The following RBFOX1 variants were observed in gnomAD, a reference collection of about 807,000 sequenced individuals.
RBFOX1 encodes RNA binding fox-1 homolog 1, also known as RNA binding protein fox-1 homolog 1.
RBFOX1 carries 8 observed loss-of-function variants against 57.7 expected under a neutral mutation model. The ratio of observed to expected loss-of-function variants is 0.14; its 90% confidence interval spans 0.08 to 0.25. The LOEUF (loss-of-function observed/expected upper bound fraction) is 0.25. Among genes scored for constraint, RBFOX1 ranks in the 10% least tolerant of loss-of-function variants. RBFOX1 has a pLI of 1.00. For missense variants in RBFOX1, 611 were observed against 548.5 expected, an observed-to-expected ratio of 1.11 and a Z score of -1.14; for synonymous variants, 326 against 222.4, an observed-to-expected ratio of 1.47 and a Z score of -4.15.
intron 3 of RBFOX1, among the ~76,000 whole-genome samples, chr16:5,612,060 A>G (rs1200720553): frequency 6.6e-6 from 1 of 151,230 alleles, no homozygotes; most frequent in East Asian, 2.0e-4. Context: ...CCATCTCTCC[A>G]TCTAGTCTCC....
chr16:6,219,624 C>T (rs956103210), intron 1 of RBFOX1, among the ~76,000 whole-genome samples: 1 of 152,008 alleles, frequency 6.6e-6, no homozygotes, highest in African/African-American at 2.4e-5. Context: ...CTTGTAATCC[C>T]AGCATTTTGG....
At chr16:6,674,429 C>T (rs1048928986) in intron 3 of RBFOX1, among the ~76,000 whole-genome samples, 6 of 152,008 alleles carry the variant, frequency 3.9e-5, no homozygotes, top group African/African-American at 1.2e-4. Context: ...TAAATTGATT[C>T]TCCTGCCCCA....
intron 10 of RBFOX1, among the ~76,000 whole-genome samples, chr16:7,623,546 A>G (rs1307817871): frequency 6.6e-6 from 1 of 152,122 alleles, no homozygotes; most frequent in African/African-American, 2.4e-5. Context: ...CTTATCTGAC[A>G]GGAGGTGGAG....
chr16:6,251,046 G>C (rs1256454533), intron 1 of RBFOX1, among the ~76,000 whole-genome samples: 3 of 152,096 alleles, frequency 2.0e-5, no homozygotes, highest in East Asian at 3.9e-4. Context: ...AATGGAAGCG[G>C]TGAAGTTTGC....
chr16:6,136,725 A>G (rs1261146395), intron 1 of RBFOX1, among the ~76,000 whole-genome samples: 2 of 152,182 alleles, frequency 1.3e-5, no homozygotes, highest in Non-Finnish European at 2.9e-5. Context: ...ATTCTTCTAC[A>G]GCCCCCCAAA....
intron 10 of RBFOX1, among the ~76,000 whole-genome samples, chr16:7,619,229 A>T (rs1714019185): frequency 1.3e-5 from 2 of 152,150 alleles, no homozygotes; most frequent in African/African-American, 4.8e-5. Context: ...GAAAAAAAAA[A>T]CTATTTGTAT....
intron 3 of RBFOX1, among the ~76,000 whole-genome samples, chr16:6,734,740 C>T (rs865830456): frequency 5.3e-5 from 8 of 152,282 alleles, no homozygotes; most frequent in South Asian, 2.1e-4. Context: ...CCTTTCTTTT[C>T]CTCCTTTTAC....
At chr16:6,085,476 G>T (rs886149202) in intron 1 of RBFOX1, among the ~76,000 whole-genome samples, 2 of 152,188 alleles carry the variant, frequency 1.3e-5, no homozygotes, top group African/African-American at 2.4e-5. Flanking sequence ...TCACCATGTT[G>T]ATCTGGCTGG....
intron 1 of RBFOX1, among the ~76,000 whole-genome samples, chr16:6,284,330 C>T (rs770086516): frequency 3.3e-5 from 5 of 152,230 alleles, no homozygotes; most frequent in Non-Finnish European, 7.4e-5. Flanking sequence ...TCAGTTCACA[C>T]CTGTACCTAA....
intron 2 of RBFOX1, among the ~76,000 whole-genome samples, chr16:5,544,611 T>C (rs2045106952): frequency 6.6e-6 from 1 of 152,114 alleles, no homozygotes; most frequent in Non-Finnish European, 1.5e-5. Context: ...AGCTAGTTCT[T>C]TGGGAAGATC....
chr16:6,449,271 A>C (rs2094544786), intron 2 of RBFOX1, among the ~76,000 whole-genome samples: 1 of 152,188 alleles, frequency 6.6e-6, no homozygotes, highest in Non-Finnish European at 1.5e-5. Flanking sequence ...CTCATTCCGA[A>C]AGAAATCATG....
intron 2 of RBFOX1, among the ~76,000 whole-genome samples, chr16:6,582,666 T>C (rs1172580348): frequency 6.6e-6 from 1 of 151,978 alleles, no homozygotes; most frequent in East Asian, 1.9e-4. Context: ...TTCTCTCCTT[T>C]CTTTTTCCCT....
At chr16:6,945,412 G>C (rs112218943) in intron 3 of RBFOX1, among the ~76,000 whole-genome samples, 2,192 of 147,562 alleles carry the variant, frequency 0.015, 62 homozygotes, top group African/African-American at 0.05. Context: ...TGGCCATGCA[G>C]GAATGTAGAT....
chr16:7,673,105 G>A (rs542930974), intron 13 of RBFOX1, among the ~76,000 whole-genome samples: 3 of 152,064 alleles, frequency 2.0e-5, no homozygotes, highest in South Asian at 2.1e-4. Context: ...GGAAGCATGC[G>A]TAACACGTAC....
At chr16:7,158,296 A>G (rs1196958966) in intron 4 of RBFOX1, among the ~76,000 whole-genome samples, 1 of 152,200 alleles carries the variant, frequency 6.6e-6, no homozygotes, top group Non-Finnish European at 1.5e-5. Context: ...CAGTGAGCTG[A>G]GATCACATCA....
At chr16:6,257,413 C>T (rs79097086) in intron 1 of RBFOX1, among the ~76,000 whole-genome samples, 1 of 151,880 alleles carries the variant, frequency 6.6e-6, no homozygotes. Flanking sequence ...TGTTGAATTT[C>T]TTCTTCTTCT....
chr16:5,301,503 C>T (rs1428070441), intron 1 of RBFOX1, among the ~76,000 whole-genome samples: 1 of 151,516 alleles, frequency 6.6e-6, no homozygotes, highest in Non-Finnish European at 1.5e-5. Context: ...CCTGTAGTCC[C>T]AGCTACTCGG....
intron 4 of RBFOX1, among the ~76,000 whole-genome samples, chr16:5,889,625 G>T (rs1382032350): frequency 6.6e-6 from 1 of 152,186 alleles, no homozygotes; most frequent in Non-Finnish European, 1.5e-5. Flanking sequence ...TGAGGATGCA[G>T]GACAAGCAGA....
chr16:6,200,245 G>A (rs561444453), intron 1 of RBFOX1, among the ~76,000 whole-genome samples: 1 of 152,298 alleles, frequency 6.6e-6, no homozygotes, highest in Non-Finnish European at 1.5e-5. Flanking sequence ...GAACAGCCGG[G>A]ATTCTCCCTA....
Sources: allele counts gnomAD v4.1 joint callset (sites outside exome capture counted in the v4.1 genomes callset), GRCh38; gene constraint gnomAD v4.1.1; transcripts MANE v1.5; gene names NCBI Gene and HGNC (gene_info 2026-07-23, HGNC 2026-07-21).